Variants in LPIN3 observed in about 807,000 individuals in gnomAD.
LPIN3 encodes the protein lipin 3.
A neutral mutation model predicts 94.7 loss-of-function variants in LPIN3; 82 were observed. The observed-to-expected ratio is 0.87, with a 90% CI of 0.72 to 1.04. The LOEUF (loss-of-function observed/expected upper bound fraction) is 1.04. LPIN3 is among the 50% of genes least tolerant of loss of function. The probability of loss-of-function intolerance (pLI) is 0.00; values close to 1 mark genes in which losing one functional copy is unlikely to be tolerated. For synonymous variants in LPIN3, 418 were observed against 443.3 expected, an observed-to-expected ratio of 0.94 and a Z score of 0.72; for missense variants, 996 against 1,090.5, an observed-to-expected ratio of 0.91 and a Z score of 1.22.
Position 41,357,916 on chromosome 20 carries a change from G to C in LPIN3, c.2074G>C (p.Ala692Pro). ...CAAGTTCCTGTACTGCTCGGCGCGG[G>C]CCATTGGCATGGCGGACCTCACCAA... Reference protein sequence around the residue: ...GYKFLYCSARAIGMADLTKGY... With the variant: ...GYKFLYCSARPIGMADLTKGY... Residue 692 changes from alanine to proline, a missense_variant, in exon 17 of 20, where the codon GCC becomes CCC. Ala to Pro is a conservative substitution (Grantham distance 27, BLOSUM62 -1). Transcript: ENST00000373257. 1 of 1,614,114 alleles carries C rather than the reference G, an allele frequency of 6.2e-7. No homozygotes were observed. The highest frequency in any genetic ancestry group is 8.5e-7 in the Non-Finnish European group (1 of 1,179,992).
chr20:41,348,944 C>T (rs6072349), intron 4 of LPIN3, 57 bp downstream of exon 4: 19,355 of 1,583,538 alleles, frequency 0.012, 139 homozygotes, highest in Non-Finnish European at 0.014. Context: ...GCTGTTTCCT[C>T]TGCTCATGCT....
At chr20:41,346,556 C>A (rs2146929807) in intron 2 of LPIN3, among the ~76,000 whole-genome samples, 1 of 152,264 alleles carries the variant, frequency 6.6e-6, no homozygotes, top group Admixed American at 6.5e-5. Context: ...GCCTGGCCCA[C>A]ATGGTGAAAC....
At chr20:41,355,538 C>A (rs1024918624) in intron 13 of LPIN3, among the ~76,000 whole-genome samples, 1 of 152,172 alleles carries the variant, frequency 6.6e-6, no homozygotes, top group Non-Finnish European at 1.5e-5. Flanking sequence ...GACCCAGCTG[C>A]CTAAGGCTGG....
In LPIN3 at chr20:41,358,731, G is replaced by A; in HGVS notation, c.2421G>A (p.Arg807=). 1.2e-6 allele frequency: 2 copies of A among 1,614,066 alleles called. No homozygotes were observed. Among genetic ancestry groups the A allele is most frequent in the Non-Finnish European group, 1.7e-6 (2 of 1,179,972 alleles). Reference sequence around the variant, plus strand: ...CCCCTTCTGCCTGTAGGTATGAGCGGCTTGGTGAAGTGGTCGAGCTCCTCT... The same window carrying A: ...CCCCTTCTGCCTGTAGGTATGAGCGACTTGGTGAAGTGGTCGAGCTCCTCT... ...LIKNHKSTYE[R]LGEVVELLFP... Residue 807 remains arginine (R), a synonymous_variant, in exon 20 of 20, where the codon CGG becomes CGA. Transcript: ENST00000373257.
intron 17 of LPIN3, 86 bp downstream of exon 17, chr20:41,358,120 TAA>T: frequency 6.3e-7 from 1 of 1,579,310 alleles, no homozygotes; most frequent in East Asian, 2.2e-5. Flanking sequence ...AGGCTGGCAT[TAA>T]GCTCTCAGGT....
Position 41,360,279 on chromosome 20 carries a change from GC to G in LPIN3, c.*1414del, listed in dbSNP as rs2046342982. On this transcript the variant is annotated 3_prime_UTR_variant, in exon 20 of 20. Coordinates refer to ENST00000373257, the MANE Select transcript of LPIN3 (RefSeq NM_022896.3). Reference sequence around the variant, plus strand: ...GTTTTGCAGGGGTGTTAAAAGCAAGGCTTGGAGCCCCTTTCCTCCAGCTGGT... The same window carrying G: ...GTTTTGCAGGGGTGTTAAAAGCAAGGTTGGAGCCCCTTTCCTCCAGCTGGT... The G allele has an allele frequency of 6.6e-6, 1 of 152,332 alleles. No homozygotes were observed. Among genetic ancestry groups the G allele is most frequent in the Non-Finnish European group, 1.5e-5 (1 of 68,058 alleles). 9.4% of individuals were successfully genotyped at this position (152,332 alleles called of 1,614,324 possible). A position where few individuals can be genotyped will look rare whatever the true frequency, so the allele number is the denominator to read the frequency against.
chr20:41,345,713 G>C (rs1443481824), intron 1 of LPIN3, 83 bp from the exon 2 acceptor site: 1 of 1,399,992 alleles, frequency 7.1e-7, no homozygotes, highest in Non-Finnish European at 9.8e-7. Flanking sequence ...GTAAACTTGG[G>C]GGTCTGTGTG....
chr20:41,345,431 G>A (rs111595653), intron 1 of LPIN3, among the ~76,000 whole-genome samples: 1 of 152,224 alleles, frequency 6.6e-6, no homozygotes, highest in Non-Finnish European at 1.5e-5. Flanking sequence ...GCCCCACAGG[G>A]TTGTTGTGAA....
At position 41,360,213 on chromosome 20, in the gene LPIN3, C is replaced by G. The variant is rs886579026; in HGVS notation, c.*1347C>G. 1 of 152,506 alleles carries G rather than the reference C, an allele frequency of 6.6e-6. No homozygotes were observed. Among genetic ancestry groups the G allele is most frequent in the Non-Finnish European group, 1.5e-5 (1 of 68,044 alleles). 9.4% of individuals were successfully genotyped at this position (152,506 alleles called of 1,614,324 possible). A position where few individuals can be genotyped will look rare whatever the true frequency, so the allele number is the denominator to read the frequency against. ...AAGTTGTCCATTGATGGTTTCGTACCTGAATTTCTCACCTTTTGTGAACAT... is the reference window on the plus strand; with the variant it reads ...AAGTTGTCCATTGATGGTTTCGTACGTGAATTTCTCACCTTTTGTGAACAT... On this transcript the variant is annotated 3_prime_UTR_variant, in exon 20 of 20. Coordinates refer to ENST00000373257, the MANE Select transcript of LPIN3 (RefSeq NM_022896.3).
intron 1 of LPIN3, among the ~76,000 whole-genome samples, chr20:41,341,232 G>A (rs1600700424): frequency 6.6e-6 from 1 of 152,160 alleles, no homozygotes; most frequent in East Asian, 1.9e-4. Context: ...AGGAGACGTC[G>A]AAACCTCCCA....
Position 41,358,036 on chromosome 20 carries a change from T to C in LPIN3, c.2192+2T>C, listed in dbSNP as rs2046275796. On this transcript the variant is annotated splice_donor_variant, in intron 17 of 19. Coordinates refer to ENST00000373257, the MANE Select transcript of LPIN3 (RefSeq NM_022896.3). LOFTEE classifies it high-confidence loss of function. The stretch of plus-strand genomic sequence containing the variant: ...CAGCCTCTTCTCTGCCCTCCACAGG[T>C]AACCACCCCTACACATACAAGCCCG... The C allele has an allele frequency of 6.3e-7, 1 of 1,596,514 alleles. No homozygotes were observed. The highest frequency in any genetic ancestry group is 8.5e-7 in the Non-Finnish European group (1 of 1,172,156).
intron 17 of LPIN3, 26 bp from the exon 18 acceptor site, chr20:41,358,211 C>G: frequency 6.2e-7 from 1 of 1,610,356 alleles, no homozygotes; most frequent in Non-Finnish European, 8.5e-7. Context: ...TGGCCCCCTT[C>G]CCTGCTGTGG....
At chr20:41,349,644 C>A in intron 5 of LPIN3, 130 bp from the exon 6 acceptor site, 1 of 1,130,644 alleles carries the variant, frequency 8.8e-7, no homozygotes, top group Non-Finnish European at 1.2e-6. Context: ...TAGATCTTTA[C>A]ATATTCCTTA....
chr20:41,347,405 GCCA>G, intron 2 of LPIN3, 144 bp from the exon 3 acceptor site: 1 of 688,138 alleles, frequency 1.5e-6, no homozygotes, highest in East Asian at 2.7e-5. Flanking sequence ...GTGGGGAGCA[GCCA>G]GGCACTTGAG....
At position 41,355,203 on chromosome 20, in the gene LPIN3, G is replaced by A. The variant is rs543063843; in HGVS notation, c.1664+340G>A. 2.6e-5 allele frequency among the ~76,000 whole-genome samples: 4 copies of A among 152,272 alleles called. No homozygotes were observed. In the East Asian group the frequency reaches 7.7e-4, roughly 29 times the overall value. ...CTACTTTTGTATTTTTAGTGAGACAGGGTTTCACCCTGTTGGTCAGGCTGG... is the reference window on the plus strand; with the variant it reads ...CTACTTTTGTATTTTTAGTGAGACAAGGTTTCACCCTGTTGGTCAGGCTGG... On this transcript the variant is annotated intron_variant, in intron 13 of 19. Coordinates refer to ENST00000373257, the MANE Select transcript of LPIN3 (RefSeq NM_022896.3).
chr20:41,356,926 G>T, intron 14 of LPIN3, 114 bp from the exon 15 acceptor site: 1 of 1,229,382 alleles, frequency 8.1e-7, no homozygotes. Context: ...CTCTGAGCTG[G>T]GAGGAAGAGG....
intron 13 of LPIN3, 88 bp downstream of exon 13, chr20:41,354,951 C>A: frequency 1.5e-6 from 2 of 1,298,756 alleles, no homozygotes. Context: ...GGAGCCAGCA[C>A]CCTGTCTCCA....
At chr20:41,356,922 G>T in intron 14 of LPIN3, 118 bp from the exon 15 acceptor site, 1 of 1,208,164 alleles carries the variant, frequency 8.3e-7, no homozygotes, top group South Asian at 1.4e-5. Context: ...GCATCTCTGA[G>T]CTGGGAGGAA....
intron 11 of LPIN3, 94 bp downstream of exon 11, chr20:41,352,961 A>G: frequency 7.0e-7 from 1 of 1,419,200 alleles, no homozygotes; most frequent in Non-Finnish European, 9.9e-7. Context: ...GTGAGCAGAG[A>G]TGGGCCTGGG....
Sources: gnomAD v4.1 joint callset for allele counts (sites outside exome capture counted in the v4.1 genomes callset) on GRCh38, gnomAD v4.1.1 for gene constraint, MANE v1.5 for transcripts, NCBI Gene and HGNC (gene_info 2026-07-23, HGNC 2026-07-21) for gene names.